Variants in EYS observed in about 807,000 individuals in gnomAD.
EYS encodes the protein protein eyes shut homolog.
Under a neutral mutation model 282.1 loss-of-function variants are expected in EYS, and 250 were observed. That is an observed-to-expected ratio of 0.89 (90% CI 0.80 to 0.98). The LOEUF is 0.98. Ranked by LOEUF, EYS falls within the 50% of genes least tolerant of loss-of-function variation. The pLI, the probability that EYS is intolerant of heterozygous loss-of-function variation, is 0.00. For synonymous variants in EYS, 1,355 were observed against 1,282.9 expected, an observed-to-expected ratio of 1.06 and a Z score of -1.20; for missense variants, 4,016 against 3,709.0, an observed-to-expected ratio of 1.08 and a Z score of -2.15.
chr6:64,837,563 T>A (rs1344591323), intron 19 of EYS, among the ~76,000 whole-genome samples: 2 of 149,404 alleles, frequency 1.3e-5, no homozygotes, highest in Non-Finnish European at 3.0e-5. Flanking sequence ...TGTTTTCAGA[T>A]GACATATATA....
chr6:64,429,418 G>C (rs1019318997), intron 28 of EYS, among the ~76,000 whole-genome samples: 1 of 152,154 alleles, frequency 6.6e-6, no homozygotes, highest in Non-Finnish European at 1.5e-5. Context: ...ATCAGTTGAG[G>C]TCAGGAGTTC....
At chr6:64,581,130 G>T (rs116576279) in intron 26 of EYS, among the ~76,000 whole-genome samples, 4 of 152,014 alleles carry the variant, frequency 2.6e-5, no homozygotes, top group Non-Finnish European at 5.9e-5. Context: ...GACAAATTGC[G>T]GAATAAAGGA....
intron 39 of EYS, among the ~76,000 whole-genome samples, chr6:63,782,099 C>A (rs1365325906): frequency 6.6e-6 from 1 of 152,184 alleles, no homozygotes. Flanking sequence ...AGGGATGAAG[C>A]CAACTTGATC....
chr6:64,479,596 T>G (rs1776375417), intron 26 of EYS, among the ~76,000 whole-genome samples: 1 of 151,960 alleles, frequency 6.6e-6, no homozygotes, highest in South Asian at 2.1e-4. Context: ...TGAGGCCACT[T>G]TTTTTGTTCC....
intron 26 of EYS, among the ~76,000 whole-genome samples, chr6:64,501,438 G>T (rs1562028454): frequency 1.3e-5 from 2 of 151,800 alleles, no homozygotes; most frequent in Non-Finnish European, 2.9e-5. Flanking sequence ...TTTTAAATAT[G>T]TATGTATGTA....
chr6:63,735,647 C>T (rs1371529391), intron 41 of EYS, among the ~76,000 whole-genome samples: 1 of 152,128 alleles, frequency 6.6e-6, no homozygotes, highest in Non-Finnish European at 1.5e-5. Context: ...AGCACTCAAA[C>T]CTCCAAATCA....
intron 12 of EYS, among the ~76,000 whole-genome samples, chr6:65,075,265 T>G (rs1437816901): frequency 6.6e-6 from 1 of 151,986 alleles, no homozygotes; most frequent in Non-Finnish European, 1.5e-5. Flanking sequence ...TTCAATGAGT[T>G]TATCATTTCA....
chr6:64,242,434 TA>T (rs563441660), intron 30 of EYS, among the ~76,000 whole-genome samples: 81 of 139,534 alleles, frequency 5.8e-4, no homozygotes, highest in Middle Eastern at 7.6e-3. Flanking sequence ...CCTCAAATTC[TA>T]AGTTTTTTTT....
At chr6:65,098,146 G>A (rs1774792878) in intron 12 of EYS, among the ~76,000 whole-genome samples, 1 of 150,566 alleles carries the variant, frequency 6.6e-6, no homozygotes, top group African/African-American at 2.4e-5. Flanking sequence ...AGATTCTAAG[G>A]AAGAGGCGCA....
intron 30 of EYS, among the ~76,000 whole-genome samples, chr6:64,282,433 C>A (rs1054517440): frequency 6.6e-6 from 1 of 152,106 alleles, no homozygotes; most frequent in Non-Finnish European, 1.5e-5. Flanking sequence ...ATAATCCAAT[C>A]ATTTAATTCT....
At chr6:63,970,284 C>T (rs569633810) in intron 35 of EYS, among the ~76,000 whole-genome samples, 34 of 152,292 alleles carry the variant, frequency 2.2e-4, no homozygotes, top group African/African-American at 7.7e-4. Context: ...GCAAGGCGTC[C>T]TGTGCTGCTG....
chr6:64,544,888 C>T (rs1017952383), intron 26 of EYS, among the ~76,000 whole-genome samples: 2 of 151,912 alleles, frequency 1.3e-5, no homozygotes, highest in Non-Finnish European at 2.9e-5. Context: ...AATAGCTTAC[C>T]AAGAAAAAAA....
intron 26 of EYS, among the ~76,000 whole-genome samples, chr6:64,439,567 G>T (rs1180239757): frequency 1.3e-5 from 2 of 151,632 alleles, no homozygotes; most frequent in African/African-American, 4.8e-5. Flanking sequence ...TCATTGTAAG[G>T]CAAGGAAATC....
At chr6:63,979,566 G>A (rs1408048316) in intron 35 of EYS, among the ~76,000 whole-genome samples, 1 of 151,772 alleles carries the variant, frequency 6.6e-6, no homozygotes, top group Non-Finnish European at 1.5e-5. Context: ...GGTTGTATAG[G>A]GTATATTCCC....
At chr6:64,792,007 T>C (rs1484794004) in intron 22 of EYS, among the ~76,000 whole-genome samples, 1 of 151,872 alleles carries the variant, frequency 6.6e-6, no homozygotes, top group Non-Finnish European at 1.5e-5. Context: ...TCACTCACAA[T>C]ATAACTATGA....
At chr6:65,368,000 G>C (rs961580333) in intron 8 of EYS, among the ~76,000 whole-genome samples, 1 of 151,612 alleles carries the variant, frequency 6.6e-6, no homozygotes, top group African/African-American at 2.4e-5. Flanking sequence ...TCACAGTTCA[G>C]CATGGGTGGG....
At chr6:65,651,000 T>A (rs1767631918) in intron 1 of EYS, among the ~76,000 whole-genome samples, 1 of 152,172 alleles carries the variant, frequency 6.6e-6, no homozygotes, top group Admixed American at 6.5e-5. Context: ...AATTCACTTA[T>A]GTTTTGAAAA....
chr6:65,514,697 C>T (rs540591618), intron 2 of EYS, among the ~76,000 whole-genome samples: 1 of 152,254 alleles, frequency 6.6e-6, no homozygotes, highest in Admixed American at 6.5e-5. Context: ...GGAAAGGACT[C>T]CCTATTTAAT....
At chr6:65,227,298 A>C (rs1766652983) in intron 12 of EYS, among the ~76,000 whole-genome samples, 1 of 152,196 alleles carries the variant, frequency 6.6e-6, no homozygotes, top group South Asian at 2.1e-4. Context: ...AAAGAAGTTT[A>C]ATGATTACAA....
Sources: gnomAD v4.1 joint callset for allele counts (sites outside exome capture counted in the v4.1 genomes callset) on GRCh38, gnomAD v4.1.1 for gene constraint, MANE v1.5 for transcripts, NCBI Gene and HGNC (gene_info 2026-07-23, HGNC 2026-07-21) for gene names.